AKT3: variants seen among roughly 807,000 people sequenced by gnomAD.
AKT3 encodes RAC-gamma serine/threonine-protein kinase.
Under a neutral mutation model 65.3 loss-of-function variants are expected in AKT3, and 15 were observed. That is an observed-to-expected ratio of 0.23 (90% CI 0.15 to 0.35). The LOEUF is 0.35. AKT3 is among the 10% of genes least tolerant of loss of function. The pLI, the probability that AKT3 is intolerant of heterozygous loss-of-function variation, is 1.00. For synonymous variants in AKT3, 206 were observed against 183.8 expected (o/e 1.12, Z -0.98); for missense variants, 243 against 576.5 (o/e 0.42, Z 5.92).
chr1:243,764,000 A>T (rs971073823), intron 2 of AKT3, among the ~76,000 whole-genome samples: 6 of 152,102 alleles, frequency 3.9e-5, no homozygotes, highest in African/African-American at 1.4e-4. Flanking sequence ...TCTGCAGCAC[A>T]ACAGAAACAT....
chr1:243,850,414 A>G (rs1394994307), upstream of AKT3, among the ~76,000 whole-genome samples: 1 of 150,538 alleles, frequency 6.6e-6, no homozygotes, highest in African/African-American at 2.4e-5. Context: ...TCATCACCAG[A>G]AAACACCGCT....
chr1:243,568,470 T>C (rs982045423), intron 9 of AKT3, among the ~76,000 whole-genome samples: 1 of 151,922 alleles, frequency 6.6e-6, no homozygotes, highest in Non-Finnish European at 1.5e-5. Context: ...TAATACATCA[T>C]AGAATTTCCA....
rs139534512 is a variant in AKT3, at chr1:243,819,506, C to A, written c.46+23619G>T. 1.3e-3 allele frequency among the ~76,000 whole-genome samples: 195 copies of A among 152,310 alleles called. 1 individual carries two copies. The highest frequency in any genetic ancestry group is 4.4e-3 in the African/African-American group (185 of 41,578). On this transcript the variant is annotated intron_variant, in intron 2 of 13. Coordinates refer to ENST00000673466, the MANE Select transcript of AKT3 (RefSeq NM_005465.7). Reference sequence around the variant, plus strand: ...GAACTCTGCTCTCCCTGGGACTCAGCCCCTGCGGGGAGAGGCAGTAGCTGT... The same window carrying A: ...GAACTCTGCTCTCCCTGGGACTCAGACCCTGCGGGGAGAGGCAGTAGCTGT...
intron 3 of AKT3, chr1:243,687,611 T>C (rs535648506): frequency 6.6e-6 from 1 of 152,110 alleles, no homozygotes; most frequent in Admixed American, 6.5e-5. Flanking sequence ...ATACACTTTT[T>C]CTGTTTTTTT....
intron 2 of AKT3, among the ~76,000 whole-genome samples, chr1:243,804,386 TTATG>T (rs1460203388): frequency 6.6e-6 from 1 of 152,204 alleles, no homozygotes; most frequent in Non-Finnish European, 1.5e-5. Flanking sequence ...TTCTAAATCT[TTATG>T]TATTAGCAAT....
intron 4 of AKT3, among the ~76,000 whole-genome samples, chr1:243,662,284 T>A (rs1682415370): frequency 6.6e-6 from 1 of 151,904 alleles, no homozygotes; most frequent in Non-Finnish European, 1.5e-5. Context: ...CTATTCACAA[T>A]AGCAAAGACT....
At chr1:243,678,898 G>T (rs1481871903) in intron 3 of AKT3, among the ~76,000 whole-genome samples, 1 of 151,992 alleles carries the variant, frequency 6.6e-6, no homozygotes, top group Non-Finnish European at 1.5e-5. Flanking sequence ...CTTATACATG[G>T]ATTTTTTTCA....
chr1:243,737,129 T>C (rs1319855648), intron 2 of AKT3, among the ~76,000 whole-genome samples: 1 of 152,154 alleles, frequency 6.6e-6, no homozygotes, highest in Non-Finnish European at 1.5e-5. Context: ...CAACTCTTAC[T>C]CTACCTTCGG....
intron 2 of AKT3, among the ~76,000 whole-genome samples, chr1:243,761,641 T>C (rs1445214929): frequency 2.0e-5 from 3 of 152,102 alleles, no homozygotes; most frequent in East Asian, 3.8e-4. Context: ...GGGAAAAATA[T>C]TGTATGATCC....
chr1:243,721,335 G>T (rs952302250), intron 2 of AKT3, among the ~76,000 whole-genome samples: 8 of 152,080 alleles, frequency 5.3e-5, no homozygotes, highest in African/African-American at 1.9e-4. Flanking sequence ...TGAACAGACA[G>T]GTCTTGGTGA....
At chr1:243,565,945 T>C (rs1312647372) in intron 9 of AKT3, among the ~76,000 whole-genome samples, 1 of 152,226 alleles carries the variant, frequency 6.6e-6, no homozygotes, top group African/African-American at 2.4e-5. Context: ...ACAATTCTTA[T>C]AAAAGTTCCA....
At chr1:243,630,222 T>C (rs1241702745) in intron 6 of AKT3, among the ~76,000 whole-genome samples, 1 of 152,156 alleles carries the variant, frequency 6.6e-6, no homozygotes, top group African/African-American at 2.4e-5. Flanking sequence ...TTACAGCCAA[T>C]ATCCCCAGAA....
At chr1:243,630,343 T>A (rs146238161) in intron 6 of AKT3, among the ~76,000 whole-genome samples, 1 of 152,332 alleles carries the variant, frequency 6.6e-6, no homozygotes, top group East Asian at 1.9e-4. Context: ...ACTCTATGCA[T>A]AATCCACCCT....
chr1:243,506,242 G>A (rs1034677669), intron 13 of AKT3, among the ~76,000 whole-genome samples: 3 of 152,226 alleles, frequency 2.0e-5, no homozygotes, highest in Admixed American at 6.5e-5. Flanking sequence ...CCTGGGGGAG[G>A]TGCTCCATTT....
In AKT3 at chr1:243,644,106, C is replaced by T. The variant is rs561600032; in HGVS notation, c.429+1787G>A. Among the ~76,000 whole-genome samples the T allele has an allele frequency of 4.6e-5, 7 of 152,246 alleles. No individual in the cohort carries two copies. The East Asian group carries it at 9.6e-4, about 21-fold the overall frequency. Reference sequence around the variant, plus strand: ...ACATATAAGATCTTTTAATTGTATACTGTAACACGTCAATATACAGCTTAT... The same window carrying T: ...ACATATAAGATCTTTTAATTGTATATTGTAACACGTCAATATACAGCTTAT... On this transcript the variant is annotated intron_variant, in intron 5 of 13. Coordinates refer to ENST00000673466, the MANE Select transcript of AKT3 (RefSeq NM_005465.7).
At chr1:243,734,422 A>G (rs905530769) in intron 2 of AKT3, among the ~76,000 whole-genome samples, 1 of 152,238 alleles carries the variant, frequency 6.6e-6, no homozygotes, top group African/African-American at 2.4e-5. Flanking sequence ...AACATCATAG[A>G]AACACCTAGT....
At chr1:243,756,227 A>G (rs907633402) in intron 2 of AKT3, among the ~76,000 whole-genome samples, 1 of 152,230 alleles carries the variant, frequency 6.6e-6, no homozygotes, top group African/African-American at 2.4e-5. Context: ...ATTTTTAATG[A>G]AAGAGCTTGA....
At chr1:243,640,756 T>C (rs914701221) in intron 5 of AKT3, among the ~76,000 whole-genome samples, 1 of 152,206 alleles carries the variant, frequency 6.6e-6, no homozygotes, top group Non-Finnish European at 1.5e-5. Context: ...TTGAGAGCCA[T>C]GCATGCAAGA....
intron 13 of AKT3, among the ~76,000 whole-genome samples, chr1:243,508,629 C>G (rs1173004801): frequency 6.7e-6 from 1 of 149,392 alleles, no homozygotes; most frequent in Non-Finnish European, 1.5e-5. Flanking sequence ...GACCACACCC[C>G]ATTTCTGACA....
Sources: gnomAD v4.1 joint callset for allele counts (sites outside exome capture counted in the v4.1 genomes callset) on GRCh38, gnomAD v4.1.1 for gene constraint, MANE v1.5 for transcripts, NCBI Gene and HGNC (gene_info 2026-07-23, HGNC 2026-07-21) for gene names.